The following ITPR1 variants were observed in gnomAD, a reference collection of about 807,000 sequenced individuals.
ITPR1 encodes the protein inositol 1,4,5-trisphosphate-gated calcium channel ITPR1.
ITPR1 carries 96 observed loss-of-function variants against 318.4 expected under a neutral mutation model. The ratio of observed to expected loss-of-function variants is 0.30; its 90% CI spans 0.26 to 0.36. The LOEUF is 0.36. ITPR1 is among the 10% of genes least tolerant of loss of function. The pLI, the probability that ITPR1 is intolerant of heterozygous loss-of-function variation, is 1.00. For missense variants in ITPR1, 2,440 were observed against 3,460.2 expected (o/e 0.71, Z 7.40); for synonymous variants, 1,312 against 1,289.9 (o/e 1.02, Z -0.37).
intron 30 of ITPR1, among the ~76,000 whole-genome samples, chr3:4,687,499 T>C (rs954445034): frequency 1.3e-5 from 2 of 152,104 alleles, no homozygotes; most frequent in African/African-American, 4.8e-5. Context: ...GCAGTCAGGT[T>C]TGGTGACCTG....
At chr3:4,552,098 A>C (rs962788309) in intron 4 of ITPR1, among the ~76,000 whole-genome samples, 6 of 152,226 alleles carry the variant, frequency 3.9e-5, no homozygotes, top group African/African-American at 1.4e-4. Context: ...TGATTGTGGA[A>C]AAAAACAAAC....
chr3:4,761,695 A>G (rs2045460824), intron 44 of ITPR1, among the ~76,000 whole-genome samples: 2 of 152,166 alleles, frequency 1.3e-5, no homozygotes, highest in East Asian at 1.9e-4. Flanking sequence ...GAATTGAAAG[A>G]GGTTCCGGGA....
chr3:4,797,134 C>T (rs553387563), intron 53 of ITPR1, among the ~76,000 whole-genome samples: 4 of 151,308 alleles, frequency 2.6e-5, no homozygotes, highest in African/African-American at 4.9e-5. Flanking sequence ...TTCAGAGCTC[C>T]GAGGAGATTT....
intron 4 of ITPR1, among the ~76,000 whole-genome samples, chr3:4,579,939 G>A (rs531272405): frequency 9.5e-4 from 144 of 152,216 alleles, no homozygotes; most frequent in Admixed American, 2.1e-3. Flanking sequence ...AGCCAGGTGC[G>A]GTGGCTCACG....
At chr3:4,697,318 GTGT>G in intron 34 of ITPR1, 46 bp downstream of exon 34, 3 of 1,066,982 alleles carry the variant, frequency 2.8e-6, no homozygotes, top group Non-Finnish European at 3.8e-6. Flanking sequence ...AGTGAGAGGT[GTGT>G]GTGTGTGTGT....
At chr3:4,840,152 A>G (rs1487248288) in intron 61 of ITPR1, among the ~76,000 whole-genome samples, 5 of 150,156 alleles carry the variant, frequency 3.3e-5, no homozygotes, top group African/African-American at 1.2e-4. Context: ...GCATTTGAGA[A>G]TCAACTTGTT....
chr3:4,701,384 G>A (rs962732440), intron 35 of ITPR1, among the ~76,000 whole-genome samples: 20 of 152,158 alleles, frequency 1.3e-4, no homozygotes, highest in South Asian at 2.1e-4. Context: ...GTAAATGACC[G>A]TTCTCATTGG....
rs192702269 is a variant in ITPR1 at position 4,827,803 on chromosome 3, A to C, written c.8029-8971A>C. Among the ~76,000 whole-genome samples the C allele has an allele frequency of 2.8e-3, 431 of 152,284 alleles. 11 individuals are homozygous for C. The South Asian group carries it at 0.038, about 13-fold the overall frequency. On this transcript the variant is annotated intron_variant, in intron 60 of 61. Coordinates refer to ENST00000649015, the MANE Select transcript of ITPR1 (RefSeq NM_001378452.1). ...CTGGTTAGAAAAGGGGAGGGTTTGG[A>C]AAGGGTTAAGGAATTTGGAGACCAT...
At chr3:4,821,469 TGGGTTTTCATCTCACCCCACACTGG>T (rs2049712404) in intron 60 of ITPR1, among the ~76,000 whole-genome samples, 1 of 152,200 alleles carries the variant, frequency 6.6e-6, no homozygotes, top group Non-Finnish European at 1.5e-5. Context: ...GGATGGCAAA[TGGGTTTTCATCTCACCCCACACTGG>T]GTCATAGAAT....
chr3:4,724,546 C>T (rs890415659), intron 40 of ITPR1: 2 of 152,198 alleles, frequency 1.3e-5, no homozygotes, highest in African/African-American at 2.4e-5. Flanking sequence ...GGGTTTGTCT[C>T]GTGGCCTCAG....
At chr3:4,655,370 A>T (rs895761425) in intron 12 of ITPR1, among the ~76,000 whole-genome samples, 1 of 152,112 alleles carries the variant, frequency 6.6e-6, no homozygotes, top group East Asian at 1.9e-4. Context: ...GCCTCCTGGT[A>T]CAGGAGGGAA....
intron 61 of ITPR1, among the ~76,000 whole-genome samples, chr3:4,838,526 C>T (rs1392899017): frequency 6.6e-6 from 1 of 152,090 alleles, no homozygotes; most frequent in Non-Finnish European, 1.5e-5. Context: ...TCAGTTAAAT[C>T]AGATGTTTAA....
chr3:4,506,523 A>C (rs775804316), intron 2 of ITPR1, among the ~76,000 whole-genome samples: 1 of 152,108 alleles, frequency 6.6e-6, no homozygotes, highest in Non-Finnish European at 1.5e-5. Flanking sequence ...GCATATACTC[A>C]TCACTATCTG....
At chr3:4,769,005 G>A (rs2046009399) in intron 46 of ITPR1, among the ~76,000 whole-genome samples, 1 of 151,798 alleles carries the variant, frequency 6.6e-6, no homozygotes, top group Admixed American at 6.6e-5. Context: ...CAGCTCTTGG[G>A]TTCAAGCGAT....
intron 4 of ITPR1, among the ~76,000 whole-genome samples, chr3:4,618,798 C>G (rs1242692942): frequency 6.6e-6 from 1 of 152,184 alleles, no homozygotes; most frequent in Non-Finnish European, 1.5e-5. Context: ...GTGGGACTTT[C>G]TTTCTCACAT....
At position 4,493,529 on chromosome 3, in the gene ITPR1, C is replaced by T. The variant is rs2080300996; in HGVS notation, c.-169C>T. On this transcript the variant is annotated 5_prime_UTR_variant, in exon 1 of 62. Transcript: ENST00000649015. ...ACGGAACGAGCTCCCTCTTCGCGGA[C>T]ATGGGATTACCCAGCGGCTGCTAAC... 6.5e-6 allele frequency: 1 copy of T among 153,398 alleles called. No homozygotes were observed. Among genetic ancestry groups the T allele is most frequent in the Non-Finnish European group, 1.5e-5 (1 of 68,226 alleles). 9.5% of individuals were successfully genotyped at this position (153,398 alleles called of 1,614,324 possible). A position where few individuals can be genotyped will look rare whatever the true frequency, so the allele number is the denominator to read the frequency against.
chr3:4,496,304 C>A (rs959614484), intron 2 of ITPR1, among the ~76,000 whole-genome samples: 2 of 134,096 alleles, frequency 1.5e-5, no homozygotes, highest in South Asian at 2.7e-4. Flanking sequence ...TCCATTTTTT[C>A]TTTCAAGTTC....
At chr3:4,690,399 T>C (rs2094461760) in intron 31 of ITPR1, among the ~76,000 whole-genome samples, 1 of 152,134 alleles carries the variant, frequency 6.6e-6, no homozygotes, top group Admixed American at 6.6e-5. Flanking sequence ...ATCAGAGAAA[T>C]GCAAATTAAG....
At position 4,822,072 on chromosome 3, in the gene ITPR1, T is replaced by C. The variant is rs187339699; in HGVS notation, c.8028+3830T>C. 9.3e-4 allele frequency among the ~76,000 whole-genome samples: 142 copies of C among 152,290 alleles called. 1 individual carries two copies. The highest frequency in any genetic ancestry group is 3.2e-3 in the African/African-American group (135 of 41,554). On this transcript the variant is annotated intron_variant, in intron 60 of 61. Transcript: ENST00000649015. ...GAGAGTTTCCGCTCTGTGCCTTCCC[T>C]CGCCGTGTGACCCTGGGCAAGTCAC... is the stretch of plus-strand genomic sequence containing the variant.
Sources: allele counts gnomAD v4.1 joint callset (sites outside exome capture counted in the v4.1 genomes callset), GRCh38; gene constraint gnomAD v4.1.1; transcripts MANE v1.5; gene names NCBI Gene and HGNC (gene_info 2026-07-23, HGNC 2026-07-21).